BMX: variants seen among roughly 807,000 people sequenced by gnomAD.
BMX encodes BMX non-receptor tyrosine kinase.
A neutral mutation model predicts 59.2 loss-of-function variants in BMX; 31 were observed. That is an observed-to-expected ratio of 0.52 (90% confidence interval 0.39 to 0.71). BMX has a LOEUF of 0.71. BMX is among the 30% of genes least tolerant of loss of function. BMX has a pLI of 0.00. For synonymous variants in BMX, 185 were observed against 181.0 expected, an observed-to-expected ratio of 1.02 and a Z score of -0.18; for missense variants, 474 against 491.7, an observed-to-expected ratio of 0.96 and a Z score of 0.34.
chrX:15,523,182 C>T (rs1033598654), intron 7 of BMX, among the ~76,000 whole-genome samples: 1 of 112,040 alleles, frequency 8.9e-6, no homozygotes, highest in African/African-American at 3.2e-5. Context: ...AATTGAATTG[C>T]AAGATGACCA....
intron 9 of BMX, among the ~76,000 whole-genome samples, chrX:15,528,682 C>T (rs919519750): frequency 9.0e-5 from 10 of 111,477 alleles, no homozygotes; most frequent in African/African-American, 3.3e-4. Context: ...AAAAAAAAAC[C>T]TTAGGCCTAG....
intron 4 of BMX, among the ~76,000 whole-genome samples, chrX:15,514,157 G>A (rs1396627306): frequency 1.8e-5 from 2 of 111,744 alleles, no homozygotes; most frequent in Non-Finnish European, 3.8e-5. Context: ...AGCTTAGAGA[G>A]CAGGAAGGCA....
chrX:15,521,756 C>T (rs1924468218), intron 6 of BMX, among the ~76,000 whole-genome samples: 1 of 111,487 alleles, frequency 9.0e-6, no homozygotes, highest in African/African-American at 3.3e-5. Context: ...TTGATTACAT[C>T]AGGCCCACCC....
intron 1 of BMX, among the ~76,000 whole-genome samples, chrX:15,502,153 T>C (rs1223303628): frequency 9.0e-6 from 1 of 111,420 alleles, no homozygotes; most frequent in African/African-American, 3.3e-5. Context: ...CCTTTACAGA[T>C]GGGGAAGCTG....
intron 10 of BMX, 146 bp downstream of exon 10, chrX:15,530,173 A>G: frequency 2.0e-6 from 1 of 502,267 alleles, no homozygotes; most frequent in Non-Finnish European, 3.3e-6. Context: ...GGGTTGCCCG[A>G]CTCTTCATGT....
chrX:15,546,950 C>T (rs760839614), intron 17 of BMX, 29 bp downstream of exon 17: 7 of 1,129,365 alleles, frequency 6.2e-6, no homozygotes, highest in Non-Finnish European at 8.5e-6. Flanking sequence ...ACGACCTGGC[C>T]CTGTTTCATA....
chrX:15,517,162 T>C (rs1393848610), intron 5 of BMX, among the ~76,000 whole-genome samples: 2 of 112,029 alleles, frequency 1.8e-5, no homozygotes, highest in African/African-American at 6.5e-5. Flanking sequence ...TAATAAATAT[T>C]CATTGTGTTT....
chrX:15,516,281 A>G (rs377184839), intron 5 of BMX, 50 bp downstream of exon 5: 88 of 1,182,155 alleles, frequency 7.4e-5, no homozygotes, highest in Non-Finnish European at 9.7e-5. Flanking sequence ...ATAGTGCTCC[A>G]TTAGGCTAAA....
At chrX:15,520,082 A>G (rs1005098154) in intron 6 of BMX, among the ~76,000 whole-genome samples, 1 of 112,315 alleles carries the variant, frequency 8.9e-6, no homozygotes, top group East Asian at 2.8e-4. Flanking sequence ...AGGCTTCAGA[A>G]TAAGTATGGC....
At chrX:15,527,283 T>TATATATATATATACAC (rs1285065649) in intron 9 of BMX, among the ~76,000 whole-genome samples, 1 of 65,865 alleles carries the variant, frequency 1.5e-5, no homozygotes, top group Non-Finnish European at 2.7e-5. Context: ...TATATATATA[T>TATATATATATATACAC]ACACACACAC....
chrX:15,547,594 T>A (rs1262078395), intron 17 of BMX, among the ~76,000 whole-genome samples: 1 of 112,013 alleles, frequency 8.9e-6, no homozygotes, highest in Non-Finnish European at 1.9e-5. Context: ...TCATGCCCAT[T>A]CATTTATGTA....
chrX:15,521,555 G>A (rs1924456564), intron 6 of BMX, among the ~76,000 whole-genome samples: 2 of 111,576 alleles, frequency 1.8e-5, no homozygotes, highest in Non-Finnish European at 3.8e-5. Context: ...TGTTTCCTCT[G>A]GAAGCTTTAG....
At chrX:15,509,647 G>C (rs867509550) in intron 3 of BMX, among the ~76,000 whole-genome samples, 6 of 111,355 alleles carry the variant, frequency 5.4e-5, no homozygotes, top group South Asian at 7.6e-4. Context: ...AGGAGCGTAA[G>C]TCGCAGTGAC....
At chrX:15,551,201 G>A (rs1399631997) in intron 18 of BMX, among the ~76,000 whole-genome samples, 2 of 111,599 alleles carry the variant, frequency 1.8e-5, no homozygotes, top group Admixed American at 9.5e-5. Flanking sequence ...TATTCTAAGA[G>A]CCCATGTTCA....
intron 11 of BMX, among the ~76,000 whole-genome samples, chrX:15,532,570 A>G (rs1925135590): frequency 9.0e-6 from 1 of 111,708 alleles, no homozygotes. Flanking sequence ...TCTTCTTTTA[A>G]ATTTCTATGT....
chrX:15,547,336 T>A (rs938220698), intron 17 of BMX, among the ~76,000 whole-genome samples: 7 of 111,646 alleles, frequency 6.3e-5, no homozygotes, highest in Non-Finnish European at 9.4e-5. Flanking sequence ...TGAATCTGAG[T>A]TTTTGCTGAG....
At position 15,537,352 on chromosome X, in the gene BMX, G is replaced by C. The variant is rs189345157; in HGVS notation, c.1394+47G>C. The C allele has an allele frequency of 3.0e-5, 36 of 1,182,515 alleles. No homozygotes were observed. The African/African-American group carries it at 5.7e-4, about 19-fold the overall frequency. ...GCTGTTTAGCCCTCATCATGGGAGG[G>C]CATTAGCACTAATAGGCCTGCTGTT... On this transcript the variant is annotated intron_variant, in intron 14 of 18. Transcript: ENST00000348343.
intron 1 of BMX, among the ~76,000 whole-genome samples, chrX:15,501,363 T>C (rs1923563984): frequency 8.9e-6 from 1 of 112,525 alleles, no homozygotes; most frequent in African/African-American, 3.2e-5. Flanking sequence ...CTTCTTTAAC[T>C]GTGTTTTTAT....
At chrX:15,504,758 T>G (rs1923682472) in intron 1 of BMX, among the ~76,000 whole-genome samples, 1 of 112,329 alleles carries the variant, frequency 8.9e-6, no homozygotes, top group Admixed American at 9.4e-5. Context: ...TCTGCCAGGT[T>G]TTTGTGTCTC....
Sources: allele counts gnomAD v4.1 joint callset (sites outside exome capture counted in the v4.1 genomes callset), GRCh38; gene constraint gnomAD v4.1.1; transcripts MANE v1.5; gene names NCBI Gene and HGNC (gene_info 2026-07-23, HGNC 2026-07-21).